Variants in LRRC56 observed in about 807,000 individuals in gnomAD.
LRRC56 encodes the protein leucine rich repeat containing 56, also known as leucine-rich repeat-containing protein 56.
LRRC56 carries 41 observed loss-of-function variants against 47.8 expected under a neutral mutation model. That is an observed-to-expected ratio of 0.86 (90% CI 0.67 to 1.11). The LOEUF (loss-of-function observed/expected upper bound fraction) is 1.11. Ranked by LOEUF, LRRC56 falls within the 50% of genes most tolerant of loss-of-function variation. The pLI is 0.00. For synonymous variants in LRRC56, 387 were observed against 311.2 expected (o/e 1.24, Z -2.56); for missense variants, 759 against 704.2 (o/e 1.08, Z -0.88).
At chr11:532,430 CCCTTCCTT>C in the LRRC56 span, 2 of 713,882 alleles carry the variant, frequency 2.8e-6, no homozygotes, top group Non-Finnish European at 4.6e-6. Flanking sequence ...GCTCCAGCAG[CCCTTCCTT>C]CCTTCCTTGC....
At chr11:542,544 G>A (rs1589805848) in intron 5 of LRRC56, among the ~76,000 whole-genome samples, 2 of 132,088 alleles carry the variant, frequency 1.5e-5, no homozygotes, top group Admixed American at 9.1e-5. Flanking sequence ...TTGCACCGCT[G>A]CACTCCAGAC....
chr11:512,356 C>T, the LRRC56 span, among the ~76,000 whole-genome samples: 1 of 152,132 alleles, frequency 6.6e-6, no homozygotes, highest in Non-Finnish European at 1.5e-5. Context: ...GCCTCGGCCT[C>T]CTGAGTAGCT....
At chr11:508,217 C>A in the LRRC56 span, among the ~76,000 whole-genome samples, 6 of 152,228 alleles carry the variant, frequency 3.9e-5, no homozygotes, top group Non-Finnish European at 8.8e-5. Context: ...TTAGGCTGTA[C>A]TGCAGTGGCG....
At chr11:540,648 G>A in intron 3 of LRRC56, 26 bp from the exon 4 acceptor site, 3 of 1,603,492 alleles carry the variant, frequency 1.9e-6, no homozygotes, top group Non-Finnish European at 1.7e-6. Context: ...ACAGCGTGGA[G>A]CTTTGCACTG....
rs147123987 is a variant in LRRC56 at position 550,266 on chromosome 11, C to T, written c.618C>T (p.Thr206=). 8 of 1,586,670 alleles carry T rather than the reference C, an allele frequency of 5.0e-6. No homozygotes were observed. In the African/African-American group the frequency reaches 5.4e-5, roughly 11 times the overall value. ...GCCTACAGCCGGCCCCTGGCCCCAC[C>T]AACAAGGTGCGTGTCCCGGGCACCC... ...LVCLQPAPGP[T]NKVPRGYNYR... is the part of the protein sequence containing the mutation. The change falls in exon 8 of 14, where the codon ACC becomes ACT. Residue 206 remains threonine (T), a synonymous_variant. Coordinates refer to ENST00000270115, the MANE Select transcript of LRRC56 (RefSeq NM_198075.4).
At chr11:518,549 T>A in the LRRC56 span, among the ~76,000 whole-genome samples, 71 of 152,156 alleles carry the variant, frequency 4.7e-4, no homozygotes, top group African/African-American at 1.5e-3. Context: ...GGTCTCCAAC[T>A]CCTGACTTCG....
At chr11:539,906 T>C (rs74920097) in intron 3 of LRRC56, among the ~76,000 whole-genome samples, 180 bp downstream of exon 3, 16,020 of 152,162 alleles carry the variant, frequency 0.11, 965 homozygotes, top group South Asian at 0.18. Context: ...GCAGGCATTG[T>C]GTTGGGGGAC....
At chr11:520,380 G>C in the LRRC56 span, among the ~76,000 whole-genome samples, 1 of 152,170 alleles carries the variant, frequency 6.6e-6, no homozygotes, top group African/African-American at 2.4e-5. Context: ...GAGTGCAATG[G>C]TGCGATCTCG....
chr11:537,116 G>C (rs938813469), upstream of LRRC56: 2 of 152,254 alleles, frequency 1.3e-5, no homozygotes, highest in Admixed American at 6.5e-5. Flanking sequence ...AGGACGGCAG[G>C]CCTCGGCCCC....
Position 541,583 on chromosome 11 carries a change from A to G in LRRC56, c.224A>G (p.Glu75Gly). The change falls in exon 5 of 14, where the codon GAG (glutamate) becomes GGG (glycine). Residue 75 changes from glutamate (E) to glycine (G), a missense_variant. Coordinates refer to ENST00000270115, the MANE Select transcript of LRRC56 (RefSeq NM_198075.4). This position sits in a 1 kb window ranked among gnomAD's most constrained non-coding sequence, Gnocchi z 4.1. Reference sequence around the variant, plus strand: ...GACCTTCGGCTGGTGAGGACGCTGGAGATGTGTGTGGACACTCGTGAGGGC... The same window carrying G: ...GACCTTCGGCTGGTGAGGACGCTGGGGATGTGTGTGGACACTCGTGAGGGC... ...VDDLRLVRTL[E>G]MCVDTREGSL... 6.3e-7 allele frequency: 1 copy of G among 1,591,526 alleles called. No individual in the cohort carries two copies. The highest frequency in any genetic ancestry group is 1.7e-5 in the Admixed American group (1 of 57,572).
chr11:514,391 A>G, the LRRC56 span, among the ~76,000 whole-genome samples: 5 of 151,226 alleles, frequency 3.3e-5, no homozygotes, highest in African/African-American at 1.2e-4. Flanking sequence ...GGCTGAAGCA[A>G]TCCTCCCACC....
Position 541,558 on chromosome 11 carries a change from G to A in LRRC56, c.199G>A (p.Asp67Asn). 1.3e-6 allele frequency: 2 copies of A among 1,581,816 alleles called. No homozygotes were observed. The highest frequency in any genetic ancestry group is 1.7e-6 in the Non-Finnish European group (2 of 1,162,420). Residue 67 changes from aspartate to asparagine, a missense_variant, in exon 5 of 14, where the codon GAC becomes AAC. Physicochemically the swap from Asp to Asn is conservative, Grantham distance 23. Transcript: ENST00000270115. This position sits in a 1 kb window ranked among gnomAD's most constrained non-coding sequence, Gnocchi z 4.1. Reference sequence around the variant, plus strand: ...ACAGCAGGCCCTGGCCCGGGTGGATGACCTTCGGCTGGTGAGGACGCTGGA... The same window carrying A: ...ACAGCAGGCCCTGGCCCGGGTGGATAACCTTCGGCTGGTGAGGACGCTGGA... ...ARLQALARVD[D>N]LRLVRTLEMC...
intron 6 of LRRC56, among the ~76,000 whole-genome samples, chr11:547,942 A>G (rs1852173564): frequency 6.6e-6 from 1 of 151,980 alleles, no homozygotes; most frequent in South Asian, 2.1e-4. Flanking sequence ...CCTGGCCAAG[A>G]TGGTGAAACC....
Position 551,762 on chromosome 11 carries a change from C to T in LRRC56, c.908C>T (p.Pro303Leu), listed in dbSNP as rs779896160. 7 of 1,610,852 alleles carry T rather than the reference C, an allele frequency of 4.3e-6. No homozygotes were observed. Among genetic ancestry groups the T allele is most frequent in the African/African-American group, 1.3e-5 (1 of 74,894 alleles). Residue 303 changes from proline to leucine, a missense_variant, in exon 10 of 14, where the codon CCC becomes CTC. Physicochemically the swap from Pro to Leu is moderately conservative, Grantham distance 98. Coordinates refer to ENST00000270115, the MANE Select transcript of LRRC56 (RefSeq NM_198075.4). ...TTCTCCCTGCTGGTCCGTGGGGGCC[C>T]CCTGCCTGAAGGCCTGCTTTCTGAG... Reference protein sequence around the residue: ...WPFSLLVRGGPLPEGLLSEDL... With the variant: ...WPFSLLVRGGLLPEGLLSEDL...
chr11:526,935 T>TAAAAAAAGAA, the LRRC56 span, among the ~76,000 whole-genome samples: 1 of 147,726 alleles, frequency 6.8e-6, no homozygotes, highest in Non-Finnish European at 1.5e-5. Context: ...AGACACCGTC[T>TAAAAAAAGAA]AAAAAAAGAA....
the LRRC56 span, among the ~76,000 whole-genome samples, chr11:523,383 A>C: frequency 9.3e-5 from 14 of 151,236 alleles, no homozygotes. Flanking sequence ...CTGTAATCCC[A>C]GCACTTTGGG....
intron 13 of LRRC56, among the ~76,000 whole-genome samples, chr11:553,293 G>A (rs1852524923): frequency 1.3e-5 from 2 of 152,234 alleles, no homozygotes; most frequent in Admixed American, 1.3e-4. Flanking sequence ...GCAGGGGGCA[G>A]TGTAAGCAGG....
At chr11:534,254 C>T (rs1589793671), upstream of LRRC56, 13 of 1,613,750 alleles carry the variant, frequency 8.1e-6, no homozygotes, top group Non-Finnish European at 1.1e-5. Context: ...GGTTCTGGAT[C>T]AGCTGGATGG....
upstream of LRRC56, chr11:535,274 G>A (rs1363466828): frequency 1.6e-5 from 2 of 125,442 alleles, no homozygotes; most frequent in African/African-American, 6.0e-5. Flanking sequence ...CGCGGGCCCC[G>A]CCCGGCCCCA....
Sources: allele counts gnomAD v4.1 joint callset (sites outside exome capture counted in the v4.1 genomes callset), GRCh38; gene constraint gnomAD v4.1.1; non-coding constraint Gnocchi (gnomAD v3.1); transcripts MANE v1.5; gene names NCBI Gene and HGNC (gene_info 2026-07-23, HGNC 2026-07-21).